Variants in SBF1 observed in about 807,000 individuals in gnomAD.
SBF1 encodes myotubularin-related protein 5.
A neutral mutation model predicts 215.8 loss-of-function variants in SBF1; 65 were observed. The ratio of observed to expected loss-of-function variants is 0.30; its 90% CI spans 0.25 to 0.37. The LOEUF is 0.37. Ranked by LOEUF, SBF1 falls within the 10% of genes least tolerant of loss-of-function variation. The pLI is 1.00. For synonymous variants in SBF1, 1,410 were observed against 1,122.8 expected, an observed-to-expected ratio of 1.26 and a Z score of -5.11; for missense variants, 2,634 against 2,667.8, an observed-to-expected ratio of 0.99 and a Z score of 0.28.
rs1191738323 is a variant in SBF1, at chr22:50,465,781, G to C, written c.1071C>G (p.Thr357=). The change falls in exon 10 of 41, where the codon ACC becomes ACG. Residue 357 remains threonine (T), a synonymous_variant. Coordinates refer to ENST00000380817, the MANE Select transcript of SBF1 (RefSeq NM_002972.4). ...DLAFPPPTTS[T]SSLKMQDKEL... is the part of the protein sequence containing the mutation. ...CCCCCACCTGCATCTTCAGGGAGGA[G>C]GTGGATGTCGTGGGCGGAGGGAAGG... The C allele has an allele frequency of 6.2e-7, 1 of 1,608,784 alleles. No homozygotes were observed. The highest frequency in any genetic ancestry group is 2.2e-5 in the East Asian group (1 of 44,746).
rs5771041 is a variant in SBF1, at chr22:50,464,322, C to T, written c.1749+7G>A. 136,395 of 1,454,804 alleles carry T rather than the reference C, an allele frequency of 0.094. 10,162 individuals carry two copies. Among genetic ancestry groups the T allele is most frequent in the East Asian group, 0.41 (18,425 of 44,548 alleles). The allele number at this position is 1,454,804 out of a possible 1,614,324, so 90.1% of individuals were successfully genotyped here. ...CCTGGCCCGGCTGGAGCCTGCACAGCCCTCACCTTCTTGGCCTCAAGCATT... is the reference window on the plus strand; with the variant it reads ...CCTGGCCCGGCTGGAGCCTGCACAGTCCTCACCTTCTTGGCCTCAAGCATT... On this transcript the variant is annotated splice_region_variant and intron_variant, in intron 15 of 40. Transcript: ENST00000380817.
intron 7 of SBF1, 37 bp from the exon 8 acceptor site, chr22:50,466,295 C>A: frequency 6.2e-7 from 1 of 1,611,484 alleles, no homozygotes; most frequent in Non-Finnish European, 8.5e-7. Flanking sequence ...AGCCAGGGGA[C>A]GCGGCTGGGC....
chr22:50,460,760 C>T (rs761946913), intron 23 of SBF1, 48 bp from the exon 24 acceptor site: 3 of 1,574,070 alleles, frequency 1.9e-6, no homozygotes, highest in Non-Finnish European at 2.6e-6. Context: ...CCCCCCAGCC[C>T]CTCCCCCAAC....
At chr22:50,460,477 G>A (rs1205610844) in intron 24 of SBF1, 57 bp downstream of exon 24, 8 of 1,608,284 alleles carry the variant, frequency 5.0e-6, no homozygotes, top group African/African-American at 2.7e-5. Context: ...GCCTAGGAGG[G>A]TTGGAGCGGG....
chr22:50,452,329 C>T (rs138247994), intron 36 of SBF1, among the ~76,000 whole-genome samples: 1 of 151,964 alleles, frequency 6.6e-6, no homozygotes, highest in Non-Finnish European at 1.5e-5. Flanking sequence ...ATAACCAGAC[C>T]AGATTATACT....
In SBF1 at chr22:50,447,205, G is replaced by C. The variant is rs1603430165; in HGVS notation, c.5619C>G (p.Ala1873=). Residue 1873 remains alanine (A), a synonymous_variant, in exon 41 of 41, where the codon GCC becomes GCG. Transcript: ENST00000380817. ...KTTRRVYNFC[A]QDVPSAQQWV... ...ACTGCTGGGCCGAGGGCACGTCCTG[G>C]GCACAGAAGTTGTAAACGCGACGCG... 1.2e-6 allele frequency: 2 copies of C among 1,613,878 alleles called. No homozygotes were observed. The highest frequency in any genetic ancestry group is 1.7e-5 in the Admixed American group (1 of 60,026).
chr22:50,470,005 A>T (rs1420768042), intron 1 of SBF1, among the ~76,000 whole-genome samples: 3 of 151,104 alleles, frequency 2.0e-5, no homozygotes, highest in African/African-American at 7.3e-5. Flanking sequence ...TCCCCCTCCC[A>T]CCGACACCCT....
Position 50,465,991 on chromosome 22 carries a change from C to A in SBF1, c.981G>T (p.Leu327=). The change falls in exon 9 of 41, where the codon CTG becomes CTT. Residue 327 remains leucine, a synonymous_variant. Transcript: ENST00000380817. ...CVHIPPLPEP[L]QSQTHSVLSM... ...TCAGCACACTGTGCGTCTGACTCTGCAGTGGCTCTGGCAAGGGTGGAATGT... is the reference window on the plus strand; with the variant it reads ...TCAGCACACTGTGCGTCTGACTCTGAAGTGGCTCTGGCAAGGGTGGAATGT... 6.2e-7 allele frequency: 1 copy of A among 1,614,024 alleles called. No homozygotes were observed. Among genetic ancestry groups the A allele is most frequent in the African/African-American group, 1.3e-5 (1 of 75,060 alleles).
Position 50,466,666 on chromosome 22 carries a change from A to C in SBF1, c.594T>G (p.Thr198=), listed in dbSNP as rs1164062352. Residue 198 remains threonine (T), a synonymous_variant, in exon 6 of 41, where the codon ACT becomes ACG. Transcript: ENST00000380817. ...LGAGDRQVIQ[T]PLADSLPVSR... ...TGACGGGCAGCGAGTCGGCCAGTGGAGTCTGGATGACCTGCCGGTCACCAG... is the reference window on the plus strand; with the variant it reads ...TGACGGGCAGCGAGTCGGCCAGTGGCGTCTGGATGACCTGCCGGTCACCAG... The C allele has an allele frequency of 1.9e-6, 3 of 1,549,442 alleles. No homozygotes were observed. The highest frequency in any genetic ancestry group is 1.7e-4 in the Middle Eastern group (1 of 5,976).
chr22:50,458,381 C>A (rs1013122525), intron 28 of SBF1, among the ~76,000 whole-genome samples: 12 of 150,236 alleles, frequency 8.0e-5, no homozygotes, highest in Non-Finnish European at 1.6e-4. Flanking sequence ...AGCCCCTGAG[C>A]ATTGCTGGGC....
At position 50,456,673 on chromosome 22, in the gene SBF1, C is replaced by A. The variant is rs1406229686; in HGVS notation, c.3905G>T (p.Gly1302Val). 3 of 1,471,054 alleles carry A rather than the reference C, an allele frequency of 2.0e-6. No homozygotes were observed. The highest frequency in any genetic ancestry group is 5.2e-5 in the Admixed American group (2 of 38,336). 91.1% of individuals were successfully genotyped at this position (1,471,054 alleles called of 1,614,324 possible). A position where few individuals can be genotyped will look rare whatever the true frequency, so the allele number is the denominator to read the frequency against. ...ASASRRTAPR[G>V]KWGSVRTSGR... ...ACTGGTCCGGACACTGCCCCACTTA[C>A]CTGTGAAGGAGATGCCAGGTAAGCA... Residue 1302 changes from glycine to valine, a missense_variant and splice_region_variant, in exon 30 of 41, where the codon GGT becomes GTT. By Grantham distance (109) the Gly-to-Val change is moderately radical. Coordinates refer to ENST00000380817, the MANE Select transcript of SBF1 (RefSeq NM_002972.4).
rs5771001 is a variant in SBF1, at chr22:50,456,591, C to T, written c.3987G>A (p.Ala1329=). ...CCCCGTTGGCCTGGGGTGGGGCCAG[C>T]GCGTCTCTGCCAGCTAGCCGGGAGC... The part of the protein sequence containing the change: ...DVGSRLAGRD[A]LAPPQANGGP... The change falls in exon 30 of 41, where the codon GCG becomes GCA. Residue 1329 remains alanine, a synonymous_variant. Transcript: ENST00000380817. 336,455 of 1,543,372 alleles carry T rather than the reference C, an allele frequency of 0.22. 43,767 individuals carry two copies. The highest frequency in any genetic ancestry group is 0.7 in the East Asian group (30,196 of 43,034).
chr22:50,468,608 G>A (rs1035403176), intron 1 of SBF1, 147 bp from the exon 2 acceptor site: 3 of 595,858 alleles, frequency 5.0e-6, no homozygotes, highest in African/African-American at 1.9e-5. Flanking sequence ...GCTCCGTATG[G>A]AGAGTCTGCT....
In SBF1 at chr22:50,463,676, C is replaced by T. The variant is rs76504909; in HGVS notation, c.1750-244G>A. 4.8e-3 allele frequency among the ~76,000 whole-genome samples: 730 copies of T among 152,342 alleles called. 3 individuals carry two copies. Among genetic ancestry groups the T allele is most frequent in the South Asian group, 0.022 (106 of 4,828 alleles). On this transcript the variant is annotated intron_variant, in intron 15 of 40. Coordinates refer to ENST00000380817, the MANE Select transcript of SBF1 (RefSeq NM_002972.4). ...GCACCTGTGAGCTGGCAGGGAGGTG[C>T]GCTCCGGAGGGAGGCCTTGCGGGCC...
rs563638593 is a variant in SBF1, at chr22:50,462,137, C to T, written c.2397-18G>A. On this transcript the variant is annotated intron_variant, in intron 19 of 40. Coordinates refer to ENST00000380817, the MANE Select transcript of SBF1 (RefSeq NM_002972.4). ...CAGCCATGCTGGGCCAGAGAAGAAA[C>T]TGTGGGCATGGGCCCTGCCCACCAC... 34 of 1,611,566 alleles carry T rather than the reference C, an allele frequency of 2.1e-5. No individual in the cohort carries two copies. The highest frequency in any genetic ancestry group is 1.4e-4 in the South Asian group (13 of 91,092).
chr22:50,467,953 C>A, intron 2 of SBF1, 30 bp from the exon 3 acceptor site: 1 of 1,610,328 alleles, frequency 6.2e-7, no homozygotes, highest in Non-Finnish European at 8.5e-7. Context: ...GTCAGCTCCT[C>A]CCCCTACACC....
At position 50,456,380 on chromosome 22, in the gene SBF1, G is replaced by C; in HGVS notation, c.4102C>G (p.Pro1368Ala). The stretch of plus-strand genomic sequence containing the variant: ...GGCACCAGCTCCCACTGCTGCAGGG[G>C]GTCTGACCGCACACCCTGAAAAGAA... The part of the protein sequence containing the change: ...KAQLKGVRSD[P>A]LQQWELVPIE... The change falls in exon 31 of 41, where the codon CCC (proline) becomes GCC (alanine). Residue 1368 changes from proline to alanine, a missense_variant. Coordinates refer to ENST00000380817, the MANE Select transcript of SBF1 (RefSeq NM_002972.4). 1 of 1,612,738 alleles carries C rather than the reference G, an allele frequency of 6.2e-7. No homozygotes were observed. Among genetic ancestry groups the C allele is most frequent in the South Asian group, 1.1e-5 (1 of 91,046 alleles).
chr22:50,454,918 G>C lies in SBF1; in HGVS notation c.4708C>G (p.Arg1570Gly). ...LGLLYEEKGE[R>G]RGQVPCRSVW... is the part of the protein sequence containing the mutation. ...GACCTGCACGGCACCTGGCCCCTGC[G>C]TTCCCCCTTCTCCTCATACAGCAGC... The change falls in exon 35 of 41, where the codon CGC becomes GGC. Residue 1570 changes from arginine to glycine, a missense_variant. Transcript: ENST00000380817. 2 of 1,614,002 alleles carry C rather than the reference G, an allele frequency of 1.2e-6. No individual in the cohort carries two copies. Among genetic ancestry groups the C allele is most frequent in the Non-Finnish European group, 1.7e-6 (2 of 1,180,010 alleles).
chr22:50,470,442 C>G (rs1356322722), intron 1 of SBF1, among the ~76,000 whole-genome samples: 1 of 152,142 alleles, frequency 6.6e-6, no homozygotes, highest in Non-Finnish European at 1.5e-5. Flanking sequence ...GGGCTCTACC[C>G]TCCAAAGAGC....
Sources: gnomAD v4.1 joint callset for allele counts (sites outside exome capture counted in the v4.1 genomes callset) on GRCh38, gnomAD v4.1.1 for gene constraint, MANE v1.5 for transcripts, NCBI Gene and HGNC (gene_info 2026-07-23, HGNC 2026-07-21) for gene names.